The following NT5C2 variants were observed in gnomAD, a reference collection of about 807,000 sequenced individuals.
The protein encoded by NT5C2 is 5'-nucleotidase, cytosolic II, also known as cytosolic purine 5'-nucleotidase.
NT5C2 carries 58 observed loss-of-function variants against 76.1 expected under a neutral mutation model. The ratio of observed to expected loss-of-function variants is 0.76; its 90% CI spans 0.62 to 0.95. The LOEUF is 0.95. NT5C2 is among the 40% of genes least tolerant of loss of function. The pLI is 0.00. For missense variants in NT5C2, 478 were observed against 690.3 expected (o/e 0.69, Z 3.45); for synonymous variants, 229 against 237.4 (o/e 0.96, Z 0.32).
intron 1 of NT5C2, among the ~76,000 whole-genome samples, chr10:103,185,589 G>A (rs1359406480): frequency 3.4e-5 from 5 of 148,136 alleles, no homozygotes; most frequent in Admixed American, 1.4e-4. Context: ...CAGAGATTGC[G>A]TGAGCCAAGA....
In NT5C2 at chr10:103,088,346, C is replaced by A. The variant is rs1590540948; in HGVS notation, c.*1326G>T. The A allele has an allele frequency of 6.6e-6, 1 of 152,222 alleles. No homozygotes were observed. 9.4% of individuals were successfully genotyped at this position (152,222 alleles called of 1,614,324 possible). ...TACCCTAACATACACAGTAATGATT[C>A]ATTCTTGTTTAAAACAAGAGGTGAT... On this transcript the variant is annotated 3_prime_UTR_variant, in exon 19 of 19. Coordinates refer to ENST00000404739, the MANE Select transcript of NT5C2 (RefSeq NM_001351169.2).
At chr10:103,157,071 T>C (rs747836248) in intron 3 of NT5C2, among the ~76,000 whole-genome samples, 1 of 149,160 alleles carries the variant, frequency 6.7e-6, no homozygotes, top group Admixed American at 6.7e-5. Context: ...ATATATATTA[T>C]ATATAATAAT....
intron 4 of NT5C2, among the ~76,000 whole-genome samples, chr10:103,135,883 G>A (rs1413804745): frequency 3.9e-5 from 6 of 152,034 alleles, no homozygotes; most frequent in East Asian, 1.9e-4. Flanking sequence ...TCAGGGGTTC[G>A]AGACTGGCCT....
intron 3 of NT5C2, among the ~76,000 whole-genome samples, chr10:103,143,785 A>G (rs1331145493): frequency 1.3e-5 from 2 of 151,734 alleles, no homozygotes; most frequent in Non-Finnish European, 2.9e-5. Context: ...GTGAGACCCT[A>G]TCTCAACAAA....
intron 6 of NT5C2, among the ~76,000 whole-genome samples, chr10:103,103,715 A>G (rs2070401880): frequency 6.6e-6 from 1 of 152,164 alleles, no homozygotes; most frequent in Admixed American, 6.5e-5. Flanking sequence ...AAAATTTATC[A>G]AAAAATAAGG....
chr10:103,173,630 A>AG (rs1165814416), intron 3 of NT5C2, among the ~76,000 whole-genome samples: 1 of 149,554 alleles, frequency 6.7e-6, no homozygotes. Flanking sequence ...AAAAAAAAAA[A>AG]AGAATTTCAT....
At chr10:103,094,147 C>G in intron 13 of NT5C2, 109 bp from the exon 14 acceptor site, 2 of 752,252 alleles carry the variant, frequency 2.7e-6, no homozygotes, top group Non-Finnish European at 4.4e-6. Flanking sequence ...CTTGGCCAGA[C>G]AGCCAAATGA....
intron 6 of NT5C2, among the ~76,000 whole-genome samples, chr10:103,102,782 A>G (rs769523521): frequency 4.6e-5 from 7 of 152,118 alleles, no homozygotes; most frequent in Non-Finnish European, 8.8e-5. Context: ...GAGTAGTTCT[A>G]TTTTAGTGAT....
At chr10:103,190,240 G>A (rs1030818928) in intron 1 of NT5C2, among the ~76,000 whole-genome samples, 1 of 152,024 alleles carries the variant, frequency 6.6e-6, no homozygotes, top group Admixed American at 6.6e-5. Flanking sequence ...ACCTCAGGTG[G>A]TCATTCACTC....
chr10:103,177,440 T>C (rs1169325397), intron 2 of NT5C2, among the ~76,000 whole-genome samples: 1 of 152,234 alleles, frequency 6.6e-6, no homozygotes, highest in Non-Finnish European at 1.5e-5. Flanking sequence ...AATAGCATTA[T>C]TTGTGAAAAC....
intron 3 of NT5C2, among the ~76,000 whole-genome samples, chr10:103,156,824 G>A (rs539827569): frequency 1.3e-4 from 20 of 151,862 alleles, no homozygotes; most frequent in East Asian, 1.2e-3. Context: ...TTGGGAGGCC[G>A]AGGCAGGCAG....
At chr10:103,109,212 C>T (rs931630174) in intron 4 of NT5C2, among the ~76,000 whole-genome samples, 2 of 152,024 alleles carry the variant, frequency 1.3e-5, no homozygotes, top group Non-Finnish European at 2.9e-5. Context: ...CTCATCCTCT[C>T]CCATCCCCCT....
chr10:103,127,056 T>A (rs149813678), intron 4 of NT5C2, among the ~76,000 whole-genome samples: 2 of 152,328 alleles, frequency 1.3e-5, no homozygotes, highest in African/African-American at 4.8e-5. Flanking sequence ...GCAATCCACC[T>A]GCCTCAGCCA....
At chr10:103,132,192 A>G (rs1431653516) in intron 4 of NT5C2, among the ~76,000 whole-genome samples, 1 of 151,746 alleles carries the variant, frequency 6.6e-6, no homozygotes, top group Non-Finnish European at 1.5e-5. Context: ...GTGAGCCAAG[A>G]CTGCACTATT....
intron 2 of NT5C2, among the ~76,000 whole-genome samples, chr10:103,176,620 A>T (rs1295031796): frequency 6.6e-6 from 1 of 152,120 alleles, no homozygotes; most frequent in Non-Finnish European, 1.5e-5. Context: ...TGCTCACTGC[A>T]TCCCAGGCTC....
intron 6 of NT5C2, among the ~76,000 whole-genome samples, chr10:103,105,090 G>A (rs894409469): frequency 6.6e-6 from 1 of 152,134 alleles, no homozygotes; most frequent in African/African-American, 2.4e-5. Context: ...AATTTCATCT[G>A]CTGTTTACTA....
chr10:103,148,795 A>C (rs1330205125), intron 3 of NT5C2, among the ~76,000 whole-genome samples: 1 of 152,204 alleles, frequency 6.6e-6, no homozygotes, highest in African/African-American at 2.4e-5. Flanking sequence ...ATGGAGACAT[A>C]CATGGAACAA....
At chr10:103,154,804 C>T (rs2083040729) in intron 3 of NT5C2, among the ~76,000 whole-genome samples, 1 of 152,156 alleles carries the variant, frequency 6.6e-6, no homozygotes, top group Non-Finnish European at 1.5e-5. Context: ...CATTGACTAT[C>T]CTCAAAGCAA....
intron 4 of NT5C2, among the ~76,000 whole-genome samples, chr10:103,137,919 T>C (rs1003385914): frequency 2.6e-5 from 4 of 152,220 alleles, no homozygotes; most frequent in South Asian, 2.1e-4. Context: ...CTAATGGCTC[T>C]AGTTTTTTGT....
Sources: gnomAD v4.1 joint callset for allele counts (sites outside exome capture counted in the v4.1 genomes callset) on GRCh38, gnomAD v4.1.1 for gene constraint, MANE v1.5 for transcripts, NCBI Gene and HGNC (gene_info 2026-07-23, HGNC 2026-07-21) for gene names.